Variants in CFAP54 observed in about 807,000 individuals in gnomAD.
CFAP54 encodes the protein cilia- and flagella-associated protein 54.
In CFAP54, 290 loss-of-function variants were observed where a neutral mutation model predicts 370.4. That is an observed-to-expected ratio of 0.78 (90% CI 0.71 to 0.86). The LOEUF (loss-of-function observed/expected upper bound fraction) is 0.86. Ranked by LOEUF, CFAP54 falls within the 40% of genes least tolerant of loss-of-function variation. The probability of loss-of-function intolerance (pLI) is 0.00; values close to 1 mark genes in which losing one functional copy is unlikely to be tolerated. For missense variants in CFAP54, 3,399 were observed against 3,528.7 expected, an observed-to-expected ratio of 0.96 and a Z score of 0.93; for synonymous variants, 1,206 against 1,236.5, an observed-to-expected ratio of 0.98 and a Z score of 0.52.
rs1565931656 is a variant in CFAP54, at chr12:96,658,328, G to A, written c.5442G>A (p.Glu1814=). ...DITQQPCARY[E]AEYGEKITCR... ...CCCAACAACCTTGTGCAAGGTATGA[G>A]GCTGAATATGGAGAGAAGGTAAGTT... is the stretch of plus-strand genomic sequence containing the variant. The change falls in exon 38 of 68, where the codon GAG becomes GAA. Residue 1814 remains glutamate, a synonymous_variant. Transcript: ENST00000524981. The A allele has an allele frequency of 6.2e-7, 1 of 1,614,066 alleles. No individual in the cohort carries two copies. The highest frequency in any genetic ancestry group is 8.5e-7 in the Non-Finnish European group (1 of 1,180,002).
In CFAP54 at chr12:96,796,185, A is replaced by C. The variant is rs1351815984; in HGVS notation, c.8850+3686A>C. Among the ~76,000 whole-genome samples, 4 of 152,132 alleles carry C rather than the reference A, an allele frequency of 2.6e-5. No homozygotes were observed. The East Asian group carries it at 7.7e-4, about 29-fold the overall frequency. On this transcript the variant is annotated intron_variant, in intron 63 of 67. Coordinates refer to ENST00000524981, the MANE Select transcript of CFAP54 (RefSeq NM_001306084.2). ...GCCACTTCCTTCAGAGGGTCAGTGG[A>C]TTCTCTCAGCTTTCCTGGTATGTTC... is the stretch of plus-strand genomic sequence containing the variant.
intron 14 of CFAP54, among the ~76,000 whole-genome samples, chr12:96,543,723 A>T (rs1025679725): frequency 5.3e-5 from 8 of 152,118 alleles, no homozygotes; most frequent in African/African-American, 1.9e-4. Flanking sequence ...GGATCCCATT[A>T]TTCCAGTTTG....
chr12:96,515,957 C>G (rs1227406533), intron 5 of CFAP54, among the ~76,000 whole-genome samples: 1 of 146,994 alleles, frequency 6.8e-6, no homozygotes, highest in Non-Finnish European at 1.5e-5. Flanking sequence ...GCTCTGTCGC[C>G]CAGGCTGGAG....
intron 63 of CFAP54, among the ~76,000 whole-genome samples, chr12:96,801,500 T>G (rs1958819292): frequency 6.6e-6 from 1 of 152,052 alleles, no homozygotes; most frequent in Admixed American, 6.6e-5. Context: ...CTGCAAAGGG[T>G]GGTTTATTTA....
intron 60 of CFAP54, among the ~76,000 whole-genome samples, chr12:96,769,415 C>T (rs904904122): frequency 5.9e-5 from 9 of 152,084 alleles, no homozygotes; most frequent in Non-Finnish European, 1.2e-4. Context: ...ATGCTGAGGT[C>T]GGAGGGGTGT....
chr12:96,784,243 A>G (rs771691220), intron 60 of CFAP54, among the ~76,000 whole-genome samples: 1 of 152,218 alleles, frequency 6.6e-6, no homozygotes, highest in Non-Finnish European at 1.5e-5. Context: ...ATTCCAATTT[A>G]TTCACGTTAT....
rs1337504739 is a variant in CFAP54 at position 96,589,559 on chromosome 12, A to C, written c.3208A>C (p.Arg1070=). Residue 1070 remains arginine (R), a synonymous_variant, in exon 23 of 68, where the codon AGA becomes CGA. Coordinates refer to ENST00000524981, the MANE Select transcript of CFAP54 (RefSeq NM_001306084.2). ...CLSNIITITQ[R]RLHSDILAET... ...AAGCAATATAATTACTATTACACAAAGAAGGTAATTAGAAATATTCTTCTA... is the reference window on the plus strand; with the variant it reads ...AAGCAATATAATTACTATTACACAACGAAGGTAATTAGAAATATTCTTCTA... 1.4e-6 allele frequency: 2 copies of C among 1,424,138 alleles called. No homozygotes were observed. The highest frequency in any genetic ancestry group is 1.3e-5 in the South Asian group (1 of 78,800). 88.2% of individuals were successfully genotyped at this position (1,424,138 alleles called of 1,614,324 possible). A position where few individuals can be genotyped will look rare whatever the true frequency, so the allele number is the denominator to read the frequency against.
intron 50 of CFAP54, among the ~76,000 whole-genome samples, chr12:96,737,160 T>C (rs930073771): frequency 6.6e-6 from 1 of 152,184 alleles, no homozygotes; most frequent in African/African-American, 2.4e-5. Flanking sequence ...TCTGAAAATT[T>C]GAAATCTGAA....
At chr12:96,831,571 G>C (rs796091845) in intron 66 of CFAP54, among the ~76,000 whole-genome samples, 14 of 152,310 alleles carry the variant, frequency 9.2e-5, no homozygotes, top group African/African-American at 3.1e-4. Context: ...CTGTGACAGA[G>C]AGTGACAGGG....
chr12:96,592,394 T>A (rs747184467), intron 23 of CFAP54, 96 bp from the exon 24 acceptor site: 57 of 365,652 alleles, frequency 1.6e-4, no homozygotes, highest in Non-Finnish European at 2.4e-4. Context: ...TTTTTTGGGA[T>A]CTTTGTGTAG....
At chr12:96,635,506 C>T (rs1956654674) in intron 32 of CFAP54, among the ~76,000 whole-genome samples, 2 of 152,322 alleles carry the variant, frequency 1.3e-5, no homozygotes, top group East Asian at 1.9e-4. Context: ...GCCCCATATG[C>T]ACTTCATGGA....
chr12:96,864,829 G>A (rs1376919685), intron 67 of CFAP54, among the ~76,000 whole-genome samples: 1 of 152,138 alleles, frequency 6.6e-6, no homozygotes, highest in Non-Finnish European at 1.5e-5. Context: ...CATTCAGTTT[G>A]AGACTGGGTA....
intron 9 of CFAP54, among the ~76,000 whole-genome samples, chr12:96,529,221 AT>A (rs923026973): frequency 1.3e-5 from 2 of 152,122 alleles, no homozygotes; most frequent in African/African-American, 4.8e-5. Context: ...AAGACTATGT[AT>A]TTTTTGTTGT....
intron 63 of CFAP54, among the ~76,000 whole-genome samples, chr12:96,810,851 T>G (rs1958922188): frequency 6.6e-6 from 1 of 152,182 alleles, no homozygotes; most frequent in South Asian, 2.1e-4. Flanking sequence ...GTGCTTAATC[T>G]TTCTTGGTTA....
chr12:96,651,657 C>G lies in CFAP54; in HGVS notation c.4942C>G (p.Gln1648Glu), dbSNP rs766628943. ...CTGTCGGGCCTTATGGAACTTTACT[C>G]AGGAACTACAAATACTTCTTAAACA... ...NCCRALWNFT[Q>E]ELQILLKQAV... The change falls in exon 36 of 68, where the codon CAG (glutamine) becomes GAG (glutamate). Residue 1648 changes from glutamine to glutamate, a missense_variant. Gln to Glu is a conservative substitution (Grantham distance 29). Transcript: ENST00000524981. 4.3e-6 allele frequency: 7 copies of G among 1,614,018 alleles called. No individual in the cohort carries two copies. Among genetic ancestry groups the G allele is most frequent in the Admixed American group, 3.3e-5 (2 of 59,998 alleles).
At chr12:96,649,840 G>A in intron 34 of CFAP54, 51 bp from the exon 35 acceptor site, 2 of 1,285,000 alleles carry the variant, frequency 1.6e-6, no homozygotes, top group Non-Finnish European at 2.1e-6. Context: ...GTGTTTTCTG[G>A]AACTTAATTC....
intron 28 of CFAP54, 54 bp from the exon 29 acceptor site, chr12:96,625,664 T>G: frequency 8.9e-7 from 1 of 1,120,402 alleles, no homozygotes; most frequent in Non-Finnish European, 1.2e-6. Context: ...CTCAAAAAAT[T>G]TGTATTTTGC....
chr12:96,686,457 G>C (rs530817166), intron 42 of CFAP54, among the ~76,000 whole-genome samples: 1 of 152,344 alleles, frequency 6.6e-6, no homozygotes, highest in African/African-American at 2.4e-5. Context: ...TTGGTTCGTG[G>C]TTCTGCAGGC....
At chr12:96,521,792 T>A in intron 6 of CFAP54, 65 bp from the exon 7 acceptor site, 1 of 1,212,606 alleles carries the variant, frequency 8.2e-7, no homozygotes, top group Non-Finnish European at 1.1e-6. Flanking sequence ...AACAAAACAT[T>A]GTCTTTATAC....
Sources: gnomAD v4.1 joint callset for allele counts (sites outside exome capture counted in the v4.1 genomes callset) on GRCh38, gnomAD v4.1.1 for gene constraint, MANE v1.5 for transcripts, NCBI Gene and HGNC (gene_info 2026-07-23, HGNC 2026-07-21) for gene names.